Variants in MYO7A observed in about 807,000 individuals in gnomAD.
MYO7A encodes unconventional myosin-VIIa.
Under a neutral mutation model 263.8 loss-of-function variants are expected in MYO7A, and 210 were observed. That is an observed-to-expected ratio of 0.80 (90% CI 0.71 to 0.89). The LOEUF is 0.89. Among genes scored for constraint, MYO7A ranks in the 40% least tolerant of loss-of-function variants. The pLI is 0.00. For missense variants in MYO7A, 2,820 were observed against 2,968.3 expected, an observed-to-expected ratio of 0.95 and a Z score of 1.16; for synonymous variants, 1,239 against 1,197.3, an observed-to-expected ratio of 1.03 and a Z score of -0.72.
Position 77,179,940 on chromosome 11 carries a change from G to T in MYO7A, c.2573G>T (p.Arg858Leu), listed in dbSNP as rs782428224. ...ATGATCGCCCGCAGGCTGCACCAAC[G>T]CCTCAGGGCTGAGGTGAGGGAGCAA... The part of the protein sequence containing the change: ...RGMIARRLHQ[R>L]LRAEYLWRLE... Residue 858 changes from arginine to leucine, a missense_variant, in exon 21 of 49, where the codon CGC becomes CTC. By Grantham distance (102) the Arg-to-Leu change is moderately radical (BLOSUM62 -2). Coordinates refer to ENST00000409709, the MANE Select transcript of MYO7A (RefSeq NM_000260.4). 1.4e-5 allele frequency: 22 copies of T among 1,526,890 alleles called. No homozygotes were observed. The highest frequency in any genetic ancestry group is 2.2e-4 in the Middle Eastern group (1 of 4,502). The allele number at this position is 1,526,890 out of a possible 1,614,324, so 94.6% of individuals were successfully genotyped here.
At chr11:77,144,312 G>A (rs1489051981) in intron 3 of MYO7A, among the ~76,000 whole-genome samples, 1 of 152,206 alleles carries the variant, frequency 6.6e-6, no homozygotes, top group Non-Finnish European at 1.5e-5. Context: ...TGGCAGCATA[G>A]ACGGGCCTGC....
chr11:77,156,035 T>C lies in MYO7A; in HGVS notation c.414T>C (p.Ala138=). 13 of 1,614,004 alleles carry C rather than the reference T, an allele frequency of 8.1e-6. No homozygotes were observed. Among genetic ancestry groups the C allele is most frequent in the Non-Finnish European group, 1.0e-5 (12 of 1,179,896 alleles). ...TGCCCCCCCACATCTTTGCCATTGCTGACAACTGCTACTTCAACATGAAAC... is the reference window on the plus strand; with the variant it reads ...TGCCCCCCCACATCTTTGCCATTGCCGACAACTGCTACTTCAACATGAAAC... ...GEMPPHIFAI[A]DNCYFNMKRN... Residue 138 remains alanine (A), a synonymous_variant, in exon 5 of 49, where the codon GCT becomes GCC. Coordinates refer to ENST00000409709, the MANE Select transcript of MYO7A (RefSeq NM_000260.4).
intron 42 of MYO7A, among the ~76,000 whole-genome samples, 182 bp downstream of exon 42, chr11:77,207,584 T>C (rs909353416): frequency 6.6e-6 from 1 of 152,142 alleles, no homozygotes; most frequent in Non-Finnish European, 1.5e-5. Flanking sequence ...CTCTCTCTCT[T>C]CTGAGGCACT....
In MYO7A at chr11:77,147,684, G is replaced by A. The variant is rs1483943368; in HGVS notation, c.133-114G>A. 8.0e-6 allele frequency: 11 copies of A among 1,383,060 alleles called. No individual in the cohort carries two copies. The African/African-American group carries it at 1.3e-4, about 16-fold the overall frequency. 85.7% of individuals were successfully genotyped at this position (1,383,060 alleles called of 1,614,324 possible). Reference sequence around the variant, plus strand: ...ACAGTGTCTGGCTGCCAGAGAGGTCGAGGCCCTTACCCGGGTTGGCACTCA... The same window carrying A: ...ACAGTGTCTGGCTGCCAGAGAGGTCAAGGCCCTTACCCGGGTTGGCACTCA... On this transcript the variant is annotated intron_variant, in intron 3 of 48. Coordinates refer to ENST00000409709, the MANE Select transcript of MYO7A (RefSeq NM_000260.4).
rs376108484 is a variant in MYO7A, at chr11:77,159,492, C to T, written c.1049C>T (p.Pro350Leu). Reference protein sequence around the residue: ...NLDACEVLFSPSLATAASLLE... With the variant: ...NLDACEVLFSLSLATAASLLE... Reference sequence around the variant, plus strand: ...GATGCCTGTGAGGTTCTCTTCTCCCCATCGCTGGCCACAGCTGCATCCCTG... The same window carrying T: ...GATGCCTGTGAGGTTCTCTTCTCCCTATCGCTGGCCACAGCTGCATCCCTG... The change falls in exon 10 of 49, where the codon CCA becomes CTA. Residue 350 changes from proline to leucine, a missense_variant. Coordinates refer to ENST00000409709, the MANE Select transcript of MYO7A (RefSeq NM_000260.4). 20 of 1,613,294 alleles carry T rather than the reference C, an allele frequency of 1.2e-5. No homozygotes were observed. In the African/African-American group the frequency reaches 2.5e-4, roughly 20 times the overall value.
At chr11:77,176,863 A>G (rs1208789963) in intron 18 of MYO7A, among the ~76,000 whole-genome samples, 2 of 152,164 alleles carry the variant, frequency 1.3e-5, no homozygotes, top group East Asian at 1.9e-4. Context: ...GCACAGTGCC[A>G]GCACATGGAG....
At chr11:77,149,916 A>G (rs1282541980) in intron 4 of MYO7A, among the ~76,000 whole-genome samples, 4 of 152,112 alleles carry the variant, frequency 2.6e-5, no homozygotes, top group Non-Finnish European at 4.4e-5. Context: ...CACCCGCCGT[A>G]TCTCACAGGG....
chr11:77,162,441 C>T, intron 13 of MYO7A, 111 bp downstream of exon 13: 2 of 1,058,410 alleles, frequency 1.9e-6, no homozygotes, highest in South Asian at 1.5e-5. Context: ...ATACCCACCT[C>T]TCAAGTTGGC....
rs10793239 is a variant in MYO7A at position 77,179,196 on chromosome 11, T to C, written c.2367+67T>C. Reference sequence around the variant, plus strand: ...GAACCCAGCCTTGCTGCCATGGCAGTGGGACTGGCCTGCACCCAGGCAGCA... The same window carrying C: ...GAACCCAGCCTTGCTGCCATGGCAGCGGGACTGGCCTGCACCCAGGCAGCA... On this transcript the variant is annotated intron_variant, in intron 20 of 48. Coordinates refer to ENST00000409709, the MANE Select transcript of MYO7A (RefSeq NM_000260.4). The C allele has an allele frequency of 0.56, 796,998 of 1,427,390 alleles. 225,452 individuals are homozygous for C. Among genetic ancestry groups the C allele is most frequent in the African/African-American group, 0.68 (48,031 of 70,720 alleles). 88.4% of individuals were successfully genotyped at this position (1,427,390 alleles called of 1,614,324 possible).
chr11:77,163,103 C>CGT, intron 14 of MYO7A, 115 bp downstream of exon 14: 2 of 898,572 alleles, frequency 2.2e-6, no homozygotes, highest in Admixed American at 2.9e-5. Flanking sequence ...TGTGATTATT[C>CGT]ATATATATAT....
intron 2 of MYO7A, among the ~76,000 whole-genome samples, chr11:77,137,707 C>G (rs1950960083): frequency 6.6e-6 from 1 of 152,120 alleles, no homozygotes; most frequent in African/African-American, 2.4e-5. Context: ...GTTCAGCTGT[C>G]CTGGGGAGTT....
chr11:77,166,001 T>A, intron 14 of MYO7A, 55 bp from the exon 15 acceptor site: 1 of 1,338,274 alleles, frequency 7.5e-7, no homozygotes, highest in Non-Finnish European at 1.1e-6. Context: ...ATGTTATGGG[T>A]TTGGGGAGGG....
intron 18 of MYO7A, among the ~76,000 whole-genome samples, chr11:77,176,203 G>A (rs984105036): frequency 7.2e-5 from 11 of 152,206 alleles, no homozygotes; most frequent in Admixed American, 1.3e-4. Context: ...AACCAGCTCC[G>A]AACTGGAGGG....
chr11:77,208,501 T>G lies in MYO7A; in HGVS notation c.5928T>G (p.Ala1976=), dbSNP rs375155751. 7 of 1,613,462 alleles carry G rather than the reference T, an allele frequency of 4.3e-6. No homozygotes were observed. The highest frequency in any genetic ancestry group is 5.9e-6 in the Non-Finnish European group (7 of 1,179,674). Residue 1976 remains alanine (A), a synonymous_variant, in exon 43 of 49, where the codon GCT becomes GCG. Transcript: ENST00000409709. The stretch of plus-strand genomic sequence containing the variant: ...ACTTGACAGACTGGATAAAGAAAGC[T>G]CGGCCCATCAAGGACGGTAATGAGG... ...VRHLTDWIKK[A]RPIKDGIVPS...
At chr11:77,153,471 C>T (rs1418484953) in intron 4 of MYO7A, among the ~76,000 whole-genome samples, 2 of 152,084 alleles carry the variant, frequency 1.3e-5, no homozygotes, top group Admixed American at 6.5e-5. Flanking sequence ...GTGGAGAAGG[C>T]CGTGGGTGCC....
intron 32 of MYO7A, 102 bp downstream of exon 32, chr11:77,194,626 G>A: frequency 7.9e-7 from 1 of 1,266,088 alleles, no homozygotes; most frequent in Non-Finnish European, 1.1e-6. Flanking sequence ...GCGGGGGATG[G>A]GATGGCACCT....
chr11:77,185,648 C>A (rs138005468), intron 27 of MYO7A, among the ~76,000 whole-genome samples: 2 of 152,336 alleles, frequency 1.3e-5, no homozygotes, highest in Admixed American at 6.5e-5. Flanking sequence ...TTGGAATCCA[C>A]TTCTTCTAAA....
chr11:77,178,869 T>C (rs1954908824), intron 19 of MYO7A, among the ~76,000 whole-genome samples, 176 bp from the exon 20 acceptor site: 1 of 152,204 alleles, frequency 6.6e-6, no homozygotes, highest in Non-Finnish European at 1.5e-5. Context: ...GGGCAGGCAT[T>C]ATTCTACACA....
chr11:77,137,323 CTT>C (rs782075061), intron 2 of MYO7A, among the ~76,000 whole-genome samples: 4 of 152,180 alleles, frequency 2.6e-5, no homozygotes, highest in Admixed American at 6.5e-5. Flanking sequence ...GCATCACCGT[CTT>C]TTTCGTTGCC....
Sources: allele counts gnomAD v4.1 joint callset (sites outside exome capture counted in the v4.1 genomes callset), GRCh38; gene constraint gnomAD v4.1.1; transcripts MANE v1.5; gene names NCBI Gene and HGNC (gene_info 2026-07-23, HGNC 2026-07-21).